The following LRBA variants were observed in gnomAD, a reference collection of about 807,000 sequenced individuals.
LRBA encodes the protein LPS responsive beige-like anchor protein.
In LRBA, 176 loss-of-function variants were observed where a neutral mutation model predicts 330.0. The ratio of observed to expected loss-of-function variants is 0.53; its 90% CI spans 0.47 to 0.60. The LOEUF is 0.60. Among genes scored for constraint, LRBA ranks in the 20% least tolerant of loss-of-function variants. The probability of loss-of-function intolerance (pLI) is 0.00; values close to 1 mark genes in which losing one functional copy is unlikely to be tolerated. For missense variants in LRBA, 3,259 were observed against 3,444.8 expected, an observed-to-expected ratio of 0.95 and a Z score of 1.35; for synonymous variants, 1,230 against 1,193.0, an observed-to-expected ratio of 1.03 and a Z score of -0.64.
At chr4:150,819,183 T>C (rs1745050927) in intron 30 of LRBA, among the ~76,000 whole-genome samples, 2 of 151,744 alleles carry the variant, frequency 1.3e-5, no homozygotes, top group South Asian at 4.2e-4. Flanking sequence ...AGTATATACT[T>C]TATGGGTTTT....
At chr4:150,508,446 G>T (rs1051912069) in intron 40 of LRBA, among the ~76,000 whole-genome samples, 1 of 151,930 alleles carries the variant, frequency 6.6e-6, no homozygotes, top group African/African-American at 2.4e-5. Flanking sequence ...CCACCACCAT[G>T]CCTGGCTAAT....
At chr4:151,004,621 T>G (rs1373967208) in intron 2 of LRBA, among the ~76,000 whole-genome samples, 1 of 152,206 alleles carries the variant, frequency 6.6e-6, no homozygotes, top group African/African-American at 2.4e-5. Context: ...GGTACTCTTG[T>G]AATGGACAGA....
At chr4:150,984,427 T>C (rs1741200980) in intron 2 of LRBA, among the ~76,000 whole-genome samples, 1 of 152,078 alleles carries the variant, frequency 6.6e-6, no homozygotes, top group Non-Finnish European at 1.5e-5. Context: ...GAGAATTGCT[T>C]GAACCCGGAA....
chr4:150,292,087 T>A (rs1338658924), intron 53 of LRBA, among the ~76,000 whole-genome samples: 8 of 152,226 alleles, frequency 5.3e-5, no homozygotes. Flanking sequence ...AGCAAACGTT[T>A]TCATTAGTTG....
At chr4:150,281,608 T>C (rs1439327890) in intron 55 of LRBA, among the ~76,000 whole-genome samples, 1 of 152,038 alleles carries the variant, frequency 6.6e-6, no homozygotes, top group African/African-American at 2.4e-5. Context: ...AACGCCAGGG[T>C]AGAAGCCCCT....
At position 150,891,044 on chromosome 4, in the gene LRBA, T is replaced by C. The variant is rs992296136; in HGVS notation, c.2165+2008A>G. ...TACTCTGGCACCAAAAAGAAAAAAA[T>C]CTGCCAAGCCTTTACATAAACCCTT... On this transcript the variant is annotated intron_variant, in intron 17 of 56. Coordinates refer to ENST00000651943, the MANE Select transcript of LRBA (RefSeq NM_001364905.1). Among the ~76,000 whole-genome samples the C allele has an allele frequency of 4.6e-5, 7 of 152,052 alleles. No individual in the cohort carries two copies. The South Asian group carries it at 6.2e-4, about 14-fold the overall frequency.
chr4:150,506,131 T>C (rs1165863490), intron 40 of LRBA, among the ~76,000 whole-genome samples: 5 of 152,178 alleles, frequency 3.3e-5, no homozygotes, highest in Non-Finnish European at 7.4e-5. Context: ...GATTCACAGC[T>C]GAATTCTACC....
Position 150,699,434 on chromosome 4 carries a change from G to C in LRBA, c.5755-15717C>G, listed in dbSNP as rs79483018. ...AACAGGATAAAGAAAAACAGCTACTGCCTGGAAAAGTTGTTTGTAAGATGG... is the reference window on the plus strand; with the variant it reads ...AACAGGATAAAGAAAAACAGCTACTCCCTGGAAAAGTTGTTTGTAAGATGG... On this transcript the variant is annotated intron_variant, in intron 36 of 56. Transcript: ENST00000651943. Among the ~76,000 whole-genome samples the C allele has an allele frequency of 7.8e-3, 1,186 of 152,240 alleles. 12 individuals carry two copies. The highest frequency in any genetic ancestry group is 0.027 in the African/African-American group (1,130 of 41,538).
intron 17 of LRBA, among the ~76,000 whole-genome samples, chr4:150,882,354 T>A (rs1163445093): frequency 6.6e-6 from 1 of 152,200 alleles, no homozygotes; most frequent in African/African-American, 2.4e-5. Flanking sequence ...ACCATAGTTT[T>A]GTTCTTATTT....
intron 37 of LRBA, among the ~76,000 whole-genome samples, chr4:150,670,214 AGAT>A (rs1781934272): frequency 6.6e-6 from 1 of 152,188 alleles, no homozygotes; most frequent in Non-Finnish European, 1.5e-5. Context: ...GTCTGCCAAA[AGAT>A]GATTTTTCTA....
chr4:150,759,122 C>T (rs547278614), intron 35 of LRBA, among the ~76,000 whole-genome samples: 32 of 152,224 alleles, frequency 2.1e-4, no homozygotes, highest in African/African-American at 7.0e-4. Flanking sequence ...CACCATGTTG[C>T]CCAGGCTGGT....
intron 46 of LRBA, among the ~76,000 whole-genome samples, chr4:150,434,878 C>T (rs1270435518): frequency 6.6e-6 from 1 of 151,574 alleles, no homozygotes; most frequent in Non-Finnish European, 1.5e-5. Context: ...AAAAAGAGTT[C>T]GGAATCCCAT....
chr4:150,332,662 C>CT (rs111738466), intron 48 of LRBA, among the ~76,000 whole-genome samples: 146,464 of 152,136 alleles, frequency 0.96, 70,624 homozygotes, highest in Non-Finnish European at 0.99. Context: ...TAAAACATTT[C>CT]AAAAAAAGCT....
chr4:150,799,182 A>T (rs1324564734), intron 33 of LRBA, among the ~76,000 whole-genome samples: 2 of 152,202 alleles, frequency 1.3e-5, no homozygotes, highest in African/African-American at 4.8e-5. Context: ...TTCGTTTTTT[A>T]AAAAATGTTA....
chr4:150,324,442 T>C (rs1038240774), intron 49 of LRBA, among the ~76,000 whole-genome samples: 4 of 152,098 alleles, frequency 2.6e-5, no homozygotes, highest in Non-Finnish European at 5.9e-5. Context: ...TTTAAAAACA[T>C]GTAGGGGAAA....
At chr4:150,413,732 T>C (rs1392323522) in intron 47 of LRBA, among the ~76,000 whole-genome samples, 2 of 152,166 alleles carry the variant, frequency 1.3e-5, no homozygotes, top group Non-Finnish European at 2.9e-5. Flanking sequence ...ACTAAACTCC[T>C]TGAATTGCAT....
At position 150,962,387 on chromosome 4, in the gene LRBA, G is replaced by A. The variant is rs377611080; in HGVS notation, c.217-33322C>T. On this transcript the variant is annotated intron_variant, in intron 2 of 56. Transcript: ENST00000651943. ...TGCAAAATTAGCTGGGCATGGTGGTGCTCACCTATGATCTCAGCTACTCAG... is the reference window on the plus strand; with the variant it reads ...TGCAAAATTAGCTGGGCATGGTGGTACTCACCTATGATCTCAGCTACTCAG... 4.0e-5 allele frequency among the ~76,000 whole-genome samples: 6 copies of A among 149,106 alleles called. No homozygotes were observed. In the East Asian group the frequency reaches 1.2e-3, roughly 29 times the overall value.
intron 47 of LRBA, among the ~76,000 whole-genome samples, chr4:150,393,079 G>A (rs1744228881): frequency 6.6e-6 from 1 of 151,818 alleles, no homozygotes; most frequent in Non-Finnish European, 1.5e-5. Flanking sequence ...TCAATACCCA[G>A]CTCAACTGTC....
intron 51 of LRBA, among the ~76,000 whole-genome samples, chr4:150,313,735 A>AT (rs562857287): frequency 3.3e-4 from 49 of 150,020 alleles, no homozygotes; most frequent in Non-Finnish European, 2.5e-4. Context: ...TAGATTTCAG[A>AT]TTTTTTTTTC....
Sources: allele counts gnomAD v4.1 joint callset (sites outside exome capture counted in the v4.1 genomes callset), GRCh38; gene constraint gnomAD v4.1.1; transcripts MANE v1.5; gene names NCBI Gene and HGNC (gene_info 2026-07-23, HGNC 2026-07-21).